BICD2: variants seen among roughly 807,000 people sequenced by gnomAD.
The protein encoded by BICD2 is protein bicaudal D homolog 2.
BICD2 carries 25 observed loss-of-function variants against 72.9 expected under a neutral mutation model. That is an observed-to-expected ratio of 0.34 (90% CI 0.25 to 0.48). BICD2 has a LOEUF of 0.48. Among genes scored for constraint, BICD2 ranks in the 20% least tolerant of loss-of-function variants. The pLI, the probability that BICD2 is intolerant of heterozygous loss-of-function variation, is 0.99. For missense variants in BICD2, 894 were observed against 1,175.2 expected (o/e 0.76, Z 3.50); for synonymous variants, 501 against 516.1 (o/e 0.97, Z 0.40).
intron 2 of BICD2, among the ~76,000 whole-genome samples, chr9:92,726,047 C>G (rs1853560864): frequency 6.6e-6 from 1 of 152,206 alleles, no homozygotes. Flanking sequence ...CTCTCACTAG[C>G]AGGAGAGAAG....
chr9:92,725,409 G>A (rs563312363), intron 2 of BICD2, among the ~76,000 whole-genome samples: 5 of 152,366 alleles, frequency 3.3e-5, no homozygotes, highest in South Asian at 2.1e-4. Flanking sequence ...ACTACTGGGC[G>A]TAGGCAGCCA....
Position 92,719,482 on chromosome 9 carries a change from G to T in BICD2, c.1163C>A (p.Thr388Asn), listed in dbSNP as rs1356671689. The change falls in exon 5 of 7, where the codon ACC becomes AAC. Residue 388 changes from threonine (T) to asparagine (N), a missense_variant. Around this residue, in one of 5 missense-constraint regions of BICD2, gnomAD observed 371 missense variants for 439.1 expected, o/e 0.84. Transcript: ENST00000356884. ...GGCACTCAGATTCTCTGTGAGGCGGGTCACCTTCTCCTGCTGTTCTGACAG... is the reference window on the plus strand; with the variant it reads ...GGCACTCAGATTCTCTGTGAGGCGGTTCACCTTCTCCTGCTGTTCTGACAG... ...GSLSEQQEKVTRLTENLSALR... is the reference protein window; with the variant it reads ...GSLSEQQEKVNRLTENLSALR... 2 of 1,613,940 alleles carry T rather than the reference G, an allele frequency of 1.2e-6. No individual in the cohort carries two copies. Among genetic ancestry groups the T allele is most frequent in the Admixed American group, 1.7e-5 (1 of 60,014 alleles).
intron 1 of BICD2, among the ~76,000 whole-genome samples, chr9:92,759,691 C>T (rs1328997029): frequency 6.6e-6 from 1 of 152,264 alleles, no homozygotes; most frequent in Non-Finnish European, 1.5e-5. Flanking sequence ...AATGCTTTAC[C>T]TGTCAAAGCC....
At chr9:92,732,757 G>A (rs377296027) in intron 1 of BICD2, among the ~76,000 whole-genome samples, 1 of 152,076 alleles carries the variant, frequency 6.6e-6, no homozygotes, top group Non-Finnish European at 1.5e-5. Context: ...TACAAAAGCT[G>A]AAAGAATTTA....
chr9:92,761,889 G>A (rs1854380209), intron 1 of BICD2, among the ~76,000 whole-genome samples: 1 of 152,160 alleles, frequency 6.6e-6, no homozygotes, highest in Non-Finnish European at 1.5e-5. Context: ...CTCACTTGTG[G>A]TCTCAGCCAG....
chr9:92,718,916 C>A lies in BICD2; in HGVS notation c.1729G>T (p.Ala577Ser). ...TSPGGRTSPE[A>S]RGRRSPILLP... ...AGGATGGGTGAGCGCCGGCCACGCG[C>A]CTCGGGGCTGGTGCGGCCCCCGGGA... The change falls in exon 5 of 7, where the codon GCG (alanine) becomes TCG (serine). Residue 577 changes from alanine (A) to serine (S), a missense_variant. Around this residue, in one of 5 missense-constraint regions of BICD2, gnomAD observed 321 missense variants for 443.9 expected, o/e 0.72. Transcript: ENST00000356884. 1 of 1,606,124 alleles carries A rather than the reference C, an allele frequency of 6.2e-7. No individual in the cohort carries two copies. The highest frequency in any genetic ancestry group is 8.5e-7 in the Non-Finnish European group (1 of 1,177,838).
At chr9:92,740,464 T>C (rs1853877705) in intron 1 of BICD2, among the ~76,000 whole-genome samples, 1 of 149,534 alleles carries the variant, frequency 6.7e-6, no homozygotes, top group South Asian at 2.1e-4. Context: ...GGAAATCAAA[T>C]AAACAAAAAA....
chr9:92,720,416 T>C lies in BICD2; in HGVS notation c.946A>G (p.Lys316Glu). The C allele has an allele frequency of 6.2e-7, 1 of 1,614,118 alleles. No homozygotes were observed. The highest frequency in any genetic ancestry group is 8.5e-7 in the Non-Finnish European group (1 of 1,180,026). Reference protein sequence around the residue: ...GGLAKLPLDNKTSTPKKEGLA... With the variant: ...GGLAKLPLDNETSTPKKEGLA... ...CCCTCCTTCTTGGGCGTGGAGGTCT[T>C]GTTGTCCAGTGGCAGCTTGGCCAGG... The change falls in exon 4 of 7, where the codon AAG (lysine) becomes GAG (glutamate). Residue 316 changes from lysine to glutamate, a missense_variant. By Grantham distance (56) the Lys-to-Glu change is moderately conservative (BLOSUM62 1). Around this residue, in one of 5 missense-constraint regions of BICD2, gnomAD observed 371 missense variants for 439.1 expected, o/e 0.84. Transcript: ENST00000356884. This position sits in a 1 kb window ranked among gnomAD's most constrained non-coding sequence, Gnocchi z 5.4.
chr9:92,748,274 G>GTA (rs1854057417), intron 1 of BICD2, among the ~76,000 whole-genome samples: 1 of 152,158 alleles, frequency 6.6e-6, no homozygotes, highest in African/African-American at 2.4e-5. Flanking sequence ...TTGGGGGGTT[G>GTA]TACCCCTCTC....
At chr9:92,718,473 G>T in intron 5 of BICD2, 66 bp downstream of exon 5, 1 of 1,536,508 alleles carries the variant, frequency 6.5e-7, no homozygotes, top group Non-Finnish European at 8.8e-7. Context: ...GGAGGAAGGA[G>T]GCCAAGGGGG....
chr9:92,760,785 C>A (rs1270266660), intron 1 of BICD2, among the ~76,000 whole-genome samples: 1 of 152,192 alleles, frequency 6.6e-6, no homozygotes, highest in Non-Finnish European at 1.5e-5. Flanking sequence ...ACCCAGCCCC[C>A]TGAAAGGCCC....
chr9:92,719,534 T>C lies in BICD2; in HGVS notation c.1111A>G (p.Lys371Glu). 6.2e-7 allele frequency: 1 copy of C among 1,612,844 alleles called. No homozygotes were observed. Among genetic ancestry groups the C allele is most frequent in the Non-Finnish European group, 8.5e-7 (1 of 1,179,900 alleles). Residue 371 changes from lysine to glutamate, a missense_variant, in exon 5 of 7, where the codon AAG becomes GAG. Around this residue, in one of 5 missense-constraint regions of BICD2, gnomAD observed 371 missense variants for 439.1 expected, o/e 0.84. Coordinates refer to ENST00000356884, the MANE Select transcript of BICD2 (RefSeq NM_001003800.2). ...GLLATLQDTQ[K>E]QLEHTRGSLS... ...GAGCCCCGCGTGTGCTCCAGCTGCT[T>C]CTGTGTGTCCTGCAGCGTTGCCAGC...
chr9:92,762,419 C>T (rs537274857), intron 1 of BICD2, among the ~76,000 whole-genome samples: 1 of 152,224 alleles, frequency 6.6e-6, no homozygotes, highest in South Asian at 2.1e-4. Flanking sequence ...CTAGACTCTG[C>T]TAGAGACCGA....
chr9:92,729,761 AG>A (rs1172135480), intron 1 of BICD2, among the ~76,000 whole-genome samples: 1 of 152,268 alleles, frequency 6.6e-6, no homozygotes, highest in Non-Finnish European at 1.5e-5. Flanking sequence ...AGAACTAGAC[AG>A]AGGCCAGCAC....
Position 92,728,743 on chromosome 9 carries a change from C to T in BICD2, c.453+281G>A, listed in dbSNP as rs1330095658. Among the ~76,000 whole-genome samples, 4 of 152,256 alleles carry T rather than the reference C, an allele frequency of 2.6e-5. No homozygotes were observed. In the East Asian group the frequency reaches 7.7e-4, roughly 29 times the overall value. On this transcript the variant is annotated intron_variant, in intron 2 of 6. Coordinates refer to ENST00000356884, the MANE Select transcript of BICD2 (RefSeq NM_001003800.2). ...GCTAACTGCACCCCTCCCTGACTGA[C>T]CACTCCTCTGCTCTGGACTTGCTCA...
rs756910200 is a variant in BICD2 at position 92,715,207 on chromosome 9, C to T, written c.2515G>A (p.Gly839Arg). The stretch of plus-strand genomic sequence containing the variant: ...CTGCAGAACACCTGGTTGGCCAGCC[C>T]GGTGCCCTCGGCCCTGTCGCTGGCA... ...ACASDRAEGTGLANQVFCSEK... is the reference protein window; with the variant it reads ...ACASDRAEGTRLANQVFCSEK... Residue 839 changes from glycine to arginine, a missense_variant, in exon 7 of 7, where the codon GGG becomes AGG. This residue lies in a region of BICD2 where 321 missense variants were observed against 443.9 expected (regional missense o/e 0.72). Coordinates refer to ENST00000356884, the MANE Select transcript of BICD2 (RefSeq NM_001003800.2). 3.9e-5 allele frequency: 63 copies of T among 1,611,862 alleles called. No homozygotes were observed. The highest frequency in any genetic ancestry group is 1.7e-4 in the Middle Eastern group (1 of 5,990).
rs751455860 is a variant in BICD2 at position 92,713,424 on chromosome 9, G to A, written c.*1730C>T. The A allele has an allele frequency of 3.8e-6, 6 of 1,581,606 alleles. No individual in the cohort carries two copies. The highest frequency in any genetic ancestry group is 5.2e-6 in the Non-Finnish European group (6 of 1,161,706). ...AGGGGAAGGGGCTGCAGTGTGACAG[G>A]GCCGGGTGGCCAAGTCCTCCTGGCA... On this transcript the variant is annotated 3_prime_UTR_variant, in exon 7 of 7. Coordinates refer to ENST00000356884, the MANE Select transcript of BICD2 (RefSeq NM_001003800.2).
intron 2 of BICD2, among the ~76,000 whole-genome samples, chr9:92,726,835 C>A (rs1853577635): frequency 6.6e-6 from 1 of 152,184 alleles, no homozygotes; most frequent in South Asian, 2.1e-4. Flanking sequence ...CCTGCAGCAT[C>A]TTTAACTTGC....
In BICD2 at chr9:92,714,349, C is replaced by A; in HGVS notation, c.*805G>T. 1 of 985,484 alleles carries A rather than the reference C, an allele frequency of 1.0e-6. No homozygotes were observed. The highest frequency in any genetic ancestry group is 1.2e-6 in the Non-Finnish European group (1 of 829,954). The allele number at this position is 985,484 out of a possible 1,614,324, so 61.0% of individuals were successfully genotyped here. ...CCCAAGTACAAAAGGACGGGCTCTG[C>A]ACTAAGGACCAAGGTCTGGCCAGGC... is the stretch of plus-strand genomic sequence containing the variant. On this transcript the variant is annotated 3_prime_UTR_variant, in exon 7 of 7. Coordinates refer to ENST00000356884, the MANE Select transcript of BICD2 (RefSeq NM_001003800.2).
Sources: allele counts gnomAD v4.1 joint callset (sites outside exome capture counted in the v4.1 genomes callset), GRCh38; gene constraint gnomAD v4.1.1; regional missense constraint gnomAD v4.1.1; non-coding constraint Gnocchi (gnomAD v3.1); transcripts MANE v1.5; gene names NCBI Gene and HGNC (gene_info 2026-07-23, HGNC 2026-07-21).